PROSER3: variants seen among roughly 807,000 people sequenced by gnomAD.
The protein encoded by PROSER3 is proline and serine rich 3.
In PROSER3, 33 loss-of-function variants were observed where a neutral mutation model predicts 50.2. That is an observed-to-expected ratio of 0.66 (90% CI 0.50 to 0.88). The LOEUF (loss-of-function observed/expected upper bound fraction) is 0.88, where lower values mean the gene tolerates loss of function less well. Ranked by LOEUF, PROSER3 falls within the 40% of genes least tolerant of loss-of-function variation. The pLI is 0.00. For missense variants in PROSER3, 623 were observed against 612.7 expected (o/e 1.02, Z -0.18); for synonymous variants, 266 against 259.3 (o/e 1.03, Z -0.25).
intron 5 of PROSER3, 60 bp downstream of exon 5, chr19:35,762,416 C>T (rs807479): frequency 0.5 from 721,345 of 1,435,446 alleles, 186,372 homozygotes; most frequent in African/African-American, 0.78. Flanking sequence ...AGCCCTAGGA[C>T]AGAATTAGAA....
chr19:35,762,329 T>C, exon 5 of PROSER3: 2 of 1,608,504 alleles, frequency 1.2e-6, no homozygotes, highest in South Asian at 2.2e-5. Context: ...CATCCCATGC[T>C]GTGGCTCCCC....
chr19:35,768,361 C>T (rs1188563158), intron 10 of PROSER3, 43 bp from the exon 11 acceptor site: 2 of 1,585,782 alleles, frequency 1.3e-6, no homozygotes, highest in African/African-American at 1.3e-5. Context: ...GATTCTAAGC[C>T]TGAGCACATA....
chr19:35,764,235 C>T (rs898592345), intron 5 of PROSER3, among the ~76,000 whole-genome samples: 2 of 152,140 alleles, frequency 1.3e-5, no homozygotes, highest in Non-Finnish European at 2.9e-5. Context: ...CATCAGAAGC[C>T]CCAGGGCTCA....
chr19:35,761,187 A>G (rs1970944295), intron 3 of PROSER3, among the ~76,000 whole-genome samples: 1 of 152,218 alleles, frequency 6.6e-6, no homozygotes, highest in Admixed American at 6.5e-5. Flanking sequence ...TCACAAGGCT[A>G]CAAGGGTACC....
At chr19:35,760,108 A>G (rs1278102297) in intron 3 of PROSER3, 117 bp downstream of exon 3, 6 of 1,121,160 alleles carry the variant, frequency 5.4e-6, no homozygotes, top group Non-Finnish European at 6.2e-6. Context: ...AGGACCAGGC[A>G]GTTTATGTGT....
At chr19:35,764,324 G>C (rs1019829972) in intron 5 of PROSER3, among the ~76,000 whole-genome samples, 6 of 152,268 alleles carry the variant, frequency 3.9e-5, no homozygotes, top group Non-Finnish European at 5.9e-5. Flanking sequence ...TGATCTGGGA[G>C]GTGGGATCCA....
chr19:35,760,104 A>G, intron 3 of PROSER3, 113 bp downstream of exon 3: 1 of 1,179,166 alleles, frequency 8.5e-7, no homozygotes, highest in African/African-American at 1.6e-5. Context: ...TTTTAGGACC[A>G]GGCAGTTTAT....
intron 5 of PROSER3, among the ~76,000 whole-genome samples, chr19:35,764,385 G>C (rs775915352): frequency 6.6e-6 from 1 of 152,152 alleles, no homozygotes; most frequent in South Asian, 2.1e-4. Flanking sequence ...CACCGGGCGC[G>C]GTGGCTCACG....
intron 3 of PROSER3, 51 bp from the exon 4 acceptor site, chr19:35,761,962 CTTATTA>C (rs1019308753): frequency 1.3e-5 from 19 of 1,500,598 alleles, no homozygotes; most frequent in South Asian, 2.7e-5. Context: ...TATAATTATT[CTTATTA>C]TTATTTGGCT....
chr19:35,768,087 A>T, intron 9 of PROSER3, 22 bp downstream of exon 9: 4 of 1,590,098 alleles, frequency 2.5e-6, no homozygotes, highest in South Asian at 1.1e-5. Context: ...GCCCTCCTGG[A>T]TGTTGGAGGC....
chr19:35,768,412 A>G, exon 11 of PROSER3: 1 of 1,596,272 alleles, frequency 6.3e-7, no homozygotes, highest in Non-Finnish European at 8.5e-7. Flanking sequence ...AGGGAAGCGG[A>G]TGCCCGATTA....
chr19:35,766,628 C>G, intron 7 of PROSER3, 140 bp from the exon 8 acceptor site: 1 of 614,100 alleles, frequency 1.6e-6, no homozygotes, highest in Non-Finnish European at 2.9e-6. Flanking sequence ...CTTCCCACCC[C>G]AGAGAGGAGC....
chr19:35,767,877 C>G (rs923904872), exon 9 of PROSER3: 9 of 1,613,254 alleles, frequency 5.6e-6, no homozygotes, highest in Middle Eastern at 1.6e-4. Context: ...GCCACTCCTT[C>G]CCCTGGAGCC....
At chr19:35,767,251 G>T in intron 8 of PROSER3, 1 of 370,596 alleles carries the variant, frequency 2.7e-6, no homozygotes, top group Non-Finnish European at 4.9e-6. Flanking sequence ...GGTTCTTCTG[G>T]GCCCCACAGT....
At chr19:35,760,447 GTTTA>G (rs1341550393) in intron 3 of PROSER3, among the ~76,000 whole-genome samples, 1 of 152,094 alleles carries the variant, frequency 6.6e-6, no homozygotes, top group African/African-American at 2.4e-5. Flanking sequence ...CCCAGCCTCA[GTTTA>G]TTTATCTCTA....
chr19:35,760,481 TTTTG>T (rs1252183871), intron 3 of PROSER3, among the ~76,000 whole-genome samples: 1 of 152,126 alleles, frequency 6.6e-6, no homozygotes, highest in African/African-American at 2.4e-5. Flanking sequence ...TTTTGTTTTG[TTTTG>T]TTTTTGTTTT....
At chr19:35,768,979 C>G (rs1971265550) in exon 11 of PROSER3, 1 of 155,126 alleles carries the variant, frequency 6.4e-6, no homozygotes. Flanking sequence ...AGCACTTTCT[C>G]TCCCTGCTTC....
intron 3 of PROSER3, 51 bp downstream of exon 3, chr19:35,760,042 G>C (rs769289504): frequency 4.2e-5 from 60 of 1,444,266 alleles, no homozygotes; most frequent in Non-Finnish European, 5.5e-5. Flanking sequence ...TAGAGGGAGG[G>C]AGAAGGCATG....
intron 1 of PROSER3, 33 bp downstream of exon 1, chr19:35,758,259 A>T: frequency 1.3e-6 from 2 of 1,557,784 alleles, no homozygotes; most frequent in Non-Finnish European, 1.7e-6. Flanking sequence ...GGACTACAGG[A>T]GGCTGGGGAG....
Sources: allele counts gnomAD v4.1 joint callset (sites outside exome capture counted in the v4.1 genomes callset), GRCh38; gene constraint gnomAD v4.1.1; transcripts MANE v1.5; gene names NCBI Gene and HGNC (gene_info 2026-07-23, HGNC 2026-07-21).